Variants in RNF150 observed in about 807,000 individuals in gnomAD.
The protein encoded by RNF150 is ring finger protein 150.
A neutral mutation model predicts 39.3 loss-of-function variants in RNF150; 24 were observed. The observed-to-expected ratio is 0.61, with a 90% confidence interval of 0.44 to 0.86. RNF150 has a LOEUF of 0.86. RNF150 is among the 40% of genes least tolerant of loss of function. RNF150 has a pLI of 0.00. For missense variants in RNF150, 502 were observed against 587.8 expected (o/e 0.85, Z 1.51); for synonymous variants, 255 against 227.3 (o/e 1.12, Z -1.10).
rs1002915518 is a variant in RNF150, at chr4:141,132,887, G to T, written c.-79C>A. The T allele has an allele frequency of 7.4e-5, 92 of 1,250,182 alleles. 1 individual carries two copies. The East Asian group carries it at 2.4e-3, about 32-fold the overall frequency. The allele number at this position is 1,250,182 out of a possible 1,614,324, so 77.4% of individuals were successfully genotyped here. A position where few individuals can be genotyped will look rare whatever the true frequency, so the allele number is the denominator to read the frequency against. On this transcript the variant is annotated 5_prime_UTR_variant, in exon 1 of 7. Transcript: ENST00000515673. This position sits in a 1 kb window ranked among gnomAD's most constrained non-coding sequence, Gnocchi z 4.9. ...CTCCTCCCCAGCCCCGGCCAACCCC[G>T]GGCCGCTGCCTCTCCTCCTGCTGCT...
chr4:141,158,026 C>T (rs1727441516), intron 1 of RNF150, among the ~76,000 whole-genome samples: 1 of 152,210 alleles, frequency 6.6e-6, no homozygotes, highest in South Asian at 2.1e-4. Flanking sequence ...GGCATGGTGG[C>T]TCACACCTGT....
At chr4:141,072,403 A>C (rs1486704081) in intron 1 of RNF150, among the ~76,000 whole-genome samples, 1 of 152,200 alleles carries the variant, frequency 6.6e-6, no homozygotes, top group Non-Finnish European at 1.5e-5. Flanking sequence ...GTACAGAATG[A>C]TGAAAAAGAT....
chr4:141,089,524 A>C (rs983788183), intron 1 of RNF150, among the ~76,000 whole-genome samples: 3 of 152,194 alleles, frequency 2.0e-5, no homozygotes, highest in Non-Finnish European at 2.9e-5. Context: ...TGATCAAGGA[A>C]AAGTGTCCTG....
intron 4 of RNF150, among the ~76,000 whole-genome samples, chr4:140,938,936 C>T (rs1162324632): frequency 6.6e-6 from 1 of 152,106 alleles, no homozygotes; most frequent in Admixed American, 6.5e-5. Context: ...TCTGGTTAGA[C>T]GGACAGGGAT....
At chr4:141,175,576 C>A (rs2111179179) in intron 1 of RNF150, among the ~76,000 whole-genome samples, 1 of 152,234 alleles carries the variant, frequency 6.6e-6, no homozygotes, top group East Asian at 1.9e-4. Flanking sequence ...CTAAGAGGGC[C>A]TAACATATTA....
chr4:140,920,024 A>G (rs1450642902), intron 5 of RNF150, among the ~76,000 whole-genome samples: 2 of 152,172 alleles, frequency 1.3e-5, no homozygotes, highest in African/African-American at 4.8e-5. Context: ...TACGTCGTAT[A>G]CAAAAATTAA....
intron 1 of RNF150, among the ~76,000 whole-genome samples, chr4:140,990,948 A>C (rs1466719089): frequency 6.6e-6 from 1 of 152,220 alleles, no homozygotes; most frequent in African/African-American, 2.4e-5. Context: ...CTACATTCCC[A>C]GCAATAGTGC....
chr4:140,897,728 CCTT>C (rs1243998049), intron 6 of RNF150, among the ~76,000 whole-genome samples: 8 of 152,186 alleles, frequency 5.3e-5, no homozygotes, highest in Admixed American at 3.3e-4. Context: ...AGCCCCTTCA[CCTT>C]CTCTTCTATA....
At chr4:140,975,255 T>C (rs887527328) in intron 1 of RNF150, among the ~76,000 whole-genome samples, 1 of 152,096 alleles carries the variant, frequency 6.6e-6, no homozygotes, top group African/African-American at 2.4e-5. Context: ...CAAGACCTTG[T>C]CTCAGAAAAA....
chr4:140,942,363 T>C (rs1732122096), intron 4 of RNF150, among the ~76,000 whole-genome samples: 1 of 152,166 alleles, frequency 6.6e-6, no homozygotes, highest in Non-Finnish European at 1.5e-5. Context: ...GCAGTGCTGC[T>C]CTCTAATGCT....
At chr4:141,204,241 C>T (rs574828288) in intron 1 of RNF150, among the ~76,000 whole-genome samples, 3 of 152,132 alleles carry the variant, frequency 2.0e-5, no homozygotes, top group East Asian at 1.9e-4. Context: ...CAATATTCCA[C>T]GTGAGAAAAG....
intron 1 of RNF150, among the ~76,000 whole-genome samples, chr4:141,152,606 G>A (rs943784327): frequency 5.3e-5 from 8 of 152,114 alleles, no homozygotes; most frequent in Admixed American, 3.3e-4. Context: ...TATGAATTAC[G>A]TAATGAGATC....
At chr4:140,997,209 A>G (rs769638987) in intron 1 of RNF150, among the ~76,000 whole-genome samples, 1 of 152,256 alleles carries the variant, frequency 6.6e-6, no homozygotes, top group African/African-American at 2.4e-5. Flanking sequence ...TGTATATGTG[A>G]GAAAACTATA....
rs1297050257 is a variant in RNF150, at chr4:140,967,841, C to G, written c.517G>C (p.Glu173Gln). The change falls in exon 2 of 7, where the codon GAG becomes CAG. Residue 173 changes from glutamate (E) to glutamine (Q), a missense_variant. Glu to Gln is a conservative substitution (Grantham distance 29). Coordinates refer to ENST00000515673, the MANE Select transcript of RNF150 (RefSeq NM_020724.2). ...CTTACTATCTCCTTCCCTTTTGGCTCAGGAATCATTATGGCCACGATGTCT... is the reference window on the plus strand; with the variant it reads ...CTTACTATCTCCTTCCCTTTTGGCTGAGGAATCATTATGGCCACGATGTCT... ...VEDIVAIMIP[E>Q]PKGKEIVSLL... 1 of 1,613,122 alleles carries G rather than the reference C, an allele frequency of 6.2e-7. No individual in the cohort carries two copies. The highest frequency in any genetic ancestry group is 1.7e-5 in the Admixed American group (1 of 59,928).
In RNF150 at chr4:141,194,372, A is replaced by T. The variant is rs1279275503; in HGVS notation, c.-6+18422T>A. Among the ~76,000 whole-genome samples the T allele has an allele frequency of 3.3e-5, 5 of 152,224 alleles. No homozygotes were observed. In the South Asian group the frequency reaches 1.0e-3, roughly 31 times the overall value. On this transcript the variant is annotated intron_variant, in intron 1 of 7. Transcript: ENST00000420921. ...CAGTATCTAGTTACTTAGGCATTAC[A>T]TTTGAAAGAACTATACGGTATTTTC...
intron 1 of RNF150, among the ~76,000 whole-genome samples, chr4:141,183,988 A>T (rs1055121148): frequency 6.6e-6 from 1 of 152,164 alleles, no homozygotes; most frequent in Non-Finnish European, 1.5e-5. Flanking sequence ...GTGTCTTTAT[A>T]GTAGAATGAT....
intron 6 of RNF150, 68 bp downstream of exon 6, chr4:140,911,076 A>AT (rs762991401): frequency 3.2e-5 from 41 of 1,299,726 alleles, no homozygotes; most frequent in Admixed American, 9.4e-5. Context: ...GAGGAAAGGT[A>AT]TTTTTTTCCA....
At chr4:141,091,601 C>T (rs142459269) in intron 1 of RNF150, among the ~76,000 whole-genome samples, 14 of 152,138 alleles carry the variant, frequency 9.2e-5, no homozygotes, top group African/African-American at 3.4e-4. Context: ...GAAAGCAAAC[C>T]TAAATTAGAT....
At chr4:141,054,423 T>C (rs908456933) in intron 1 of RNF150, among the ~76,000 whole-genome samples, 3 of 152,114 alleles carry the variant, frequency 2.0e-5, no homozygotes, top group Admixed American at 1.3e-4. Flanking sequence ...TTATTCTCCC[T>C]TAGCCCATAT....
Sources: gnomAD v4.1 joint callset for allele counts (sites outside exome capture counted in the v4.1 genomes callset) on GRCh38, gnomAD v4.1.1 for gene constraint, Gnocchi (gnomAD v3.1) non-coding constraint, MANE v1.5 for transcripts, NCBI Gene and HGNC (gene_info 2026-07-23, HGNC 2026-07-21) for gene names.